The following CBFA2T2 variants were observed in gnomAD, a reference collection of about 807,000 sequenced individuals.
The protein encoded by CBFA2T2 is CBFA2/RUNX1 partner transcriptional co-repressor 2, also known as protein CBFA2T2.
Under a neutral mutation model 62.2 loss-of-function variants are expected in CBFA2T2, and 11 were observed. That is an observed-to-expected ratio of 0.18 (90% CI 0.11 to 0.29). The LOEUF (loss-of-function observed/expected upper bound fraction) is 0.29. CBFA2T2 is among the 10% of genes least tolerant of loss of function. The probability of loss-of-function intolerance (pLI) is 1.00; values close to 1 mark genes in which losing one functional copy is unlikely to be tolerated. For missense variants in CBFA2T2, 592 were observed against 774.1 expected, an observed-to-expected ratio of 0.76 and a Z score of 2.79; for synonymous variants, 295 against 287.5, an observed-to-expected ratio of 1.03 and a Z score of -0.27.
chr20:33,600,777 G>A (rs1013923765), intron 1 of CBFA2T2, among the ~76,000 whole-genome samples: 5 of 151,996 alleles, frequency 3.3e-5, no homozygotes, highest in Non-Finnish European at 5.9e-5. Flanking sequence ...TCCCATAAGT[G>A]AGGTCCCTCC....
chr20:33,543,299 C>T (rs558081245), intron 1 of CBFA2T2, among the ~76,000 whole-genome samples: 10 of 152,260 alleles, frequency 6.6e-5, no homozygotes, highest in South Asian at 2.1e-4. Flanking sequence ...CGTGAGCCAC[C>T]GTGCCCGGCG....
chr20:33,632,801 T>C (rs572073951), intron 8 of CBFA2T2, among the ~76,000 whole-genome samples: 77 of 152,076 alleles, frequency 5.1e-4, no homozygotes, highest in African/African-American at 1.3e-3. Flanking sequence ...CGGAGTCTTG[T>C]CTGTCACCCA....
At chr20:33,640,678 G>C in intron 10 of CBFA2T2, 147 bp downstream of exon 10, 1 of 671,366 alleles carries the variant, frequency 1.5e-6, no homozygotes, top group Non-Finnish European at 2.5e-6. Context: ...GGAGAGTTTT[G>C]GTTCTCATGC....
intron 1 of CBFA2T2, among the ~76,000 whole-genome samples, chr20:33,557,024 T>TG (rs2012919678): frequency 7.4e-6 from 1 of 134,680 alleles, no homozygotes; most frequent in East Asian, 2.1e-4. Context: ...TTTTTTTTTT[T>TG]TTTTTTTTGA....
At position 33,545,000 on chromosome 20, in the gene CBFA2T2, T is replaced by TAGAACAGAAC. The variant is rs1198481801; in HGVS notation, c.34+54703_34+54704insCAGAACAGAA. Among the ~76,000 whole-genome samples, 311 of 125,756 alleles carry TAGAACAGAAC rather than the reference T, an allele frequency of 2.5e-3. 5 individuals carry two copies. The highest frequency in any genetic ancestry group is 8.5e-3 in the African/African-American group (290 of 34,212). The allele number at this position is 125,756 out of a possible 152,430, so 82.5% of individuals were successfully genotyped here. On this transcript the variant is annotated intron_variant, in intron 1 of 10. Coordinates refer to ENST00000342704, the MANE Select transcript of CBFA2T2 (RefSeq NM_001032999.3). ...TAGAATAGAATAGAATAGAATAGAA[T>TAGAACAGAAC]AGAATAGAATAGAACAGAACAGAAT...
chr20:33,535,266 C>A (rs557558864), intron 1 of CBFA2T2, among the ~76,000 whole-genome samples: 10 of 152,234 alleles, frequency 6.6e-5, no homozygotes, highest in African/African-American at 1.9e-4. Context: ...CTACATAGAG[C>A]TTTTTACAAA....
chr20:33,523,702 TC>T (rs1375475275), intron 1 of CBFA2T2, among the ~76,000 whole-genome samples: 2 of 151,174 alleles, frequency 1.3e-5, no homozygotes, highest in Non-Finnish European at 3.0e-5. Flanking sequence ...TTTCTTTTTT[TC>T]CCAGGATGGA....
intron 1 of CBFA2T2, among the ~76,000 whole-genome samples, chr20:33,590,489 T>C (rs142787336): frequency 1.2e-4 from 19 of 152,180 alleles, no homozygotes; most frequent in African/African-American, 4.6e-4. Flanking sequence ...TCTTCTTTGA[T>C]TGGGCACAAT....
At chr20:33,558,078 C>T (rs770733352) in intron 1 of CBFA2T2, among the ~76,000 whole-genome samples, 4 of 151,476 alleles carry the variant, frequency 2.6e-5, no homozygotes, top group Admixed American at 1.3e-4. Context: ...CCACTCGTCT[C>T]GGCCTTCCAA....
intron 1 of CBFA2T2, among the ~76,000 whole-genome samples, chr20:33,550,341 T>C (rs2012703857): frequency 6.6e-6 from 1 of 152,216 alleles, no homozygotes; most frequent in Non-Finnish European, 1.5e-5. Context: ...ATACATCACA[T>C]TTAATAGAAA....
At chr20:33,587,950 A>G (rs1321032183) in intron 1 of CBFA2T2, among the ~76,000 whole-genome samples, 1 of 152,192 alleles carries the variant, frequency 6.6e-6, no homozygotes, top group Non-Finnish European at 1.5e-5. Flanking sequence ...TTTGATAGTG[A>G]TAAAGTCAAG....
chr20:33,505,735 C>T (rs998235229), intron 1 of CBFA2T2, among the ~76,000 whole-genome samples: 13 of 151,428 alleles, frequency 8.6e-5, no homozygotes, highest in East Asian at 3.9e-4. Context: ...GAGCCGAGAT[C>T]GCGCCATTGC....
At chr20:33,601,651 G>A (rs1242554779) in intron 1 of CBFA2T2, among the ~76,000 whole-genome samples, 1 of 152,128 alleles carries the variant, frequency 6.6e-6, no homozygotes, top group African/African-American at 2.4e-5. Context: ...GTCATTATAG[G>A]AAAGATCTCT....
At chr20:33,551,886 T>G (rs1457763744) in intron 1 of CBFA2T2, among the ~76,000 whole-genome samples, 1 of 152,198 alleles carries the variant, frequency 6.6e-6, no homozygotes, top group East Asian at 1.9e-4. Context: ...TTCTTGATTT[T>G]TTTTTCCTTT....
intron 1 of CBFA2T2, among the ~76,000 whole-genome samples, chr20:33,573,612 G>A (rs967820358): frequency 6.6e-6 from 1 of 151,942 alleles, no homozygotes; most frequent in Admixed American, 6.6e-5. Flanking sequence ...CTCCCAAGTG[G>A]CTGGGACTAC....
At chr20:33,574,263 T>G (rs2013716103) in intron 1 of CBFA2T2, 9 of 1,612,134 alleles carry the variant, frequency 5.6e-6, no homozygotes, top group Non-Finnish European at 7.6e-6. Flanking sequence ...AATGGAAAGG[T>G]ATGTGTGAAA....
chr20:33,536,303 C>A (rs1347177715), intron 1 of CBFA2T2, among the ~76,000 whole-genome samples: 2 of 140,466 alleles, frequency 1.4e-5, no homozygotes, highest in African/African-American at 5.2e-5. Context: ...GGGGGGCTGA[C>A]CCCCCCCACC....
chr20:33,556,705 C>G (rs1373833211), intron 1 of CBFA2T2, among the ~76,000 whole-genome samples: 1 of 151,948 alleles, frequency 6.6e-6, no homozygotes, highest in East Asian at 1.9e-4. Context: ...AGAGTGCTGA[C>G]ATTATAAGCA....
At chr20:33,602,602 G>A (rs532377218) in intron 1 of CBFA2T2, among the ~76,000 whole-genome samples, 153 of 151,972 alleles carry the variant, frequency 1.0e-3, no homozygotes, top group African/African-American at 3.3e-3. Flanking sequence ...CAAGACCTCC[G>A]GTGGATGCCT....
Sources: gnomAD v4.1 joint callset for allele counts (sites outside exome capture counted in the v4.1 genomes callset) on GRCh38, gnomAD v4.1.1 for gene constraint, MANE v1.5 for transcripts, NCBI Gene and HGNC (gene_info 2026-07-23, HGNC 2026-07-21) for gene names.